Variants in CDK6 observed in about 807,000 individuals in gnomAD.
The protein encoded by CDK6 is cyclin-dependent kinase 6.
A neutral mutation model predicts 37.1 loss-of-function variants in CDK6; 6 were observed. The observed-to-expected ratio is 0.16, with a 90% confidence interval of 0.09 to 0.32. CDK6 has a LOEUF of 0.32. Ranked by LOEUF, CDK6 falls within the 10% of genes least tolerant of loss-of-function variation. The pLI, the probability that CDK6 is intolerant of heterozygous loss-of-function variation, is 1.00. For missense variants in CDK6, 224 were observed against 418.9 expected (o/e 0.53, Z 4.06); for synonymous variants, 160 against 161.3 (o/e 0.99, Z 0.06).
intron 4 of CDK6, among the ~76,000 whole-genome samples, chr7:92,717,857 T>C (rs1043780787): frequency 6.6e-6 from 1 of 152,242 alleles, no homozygotes; most frequent in Admixed American, 6.5e-5. Context: ...CTGTGCAGTA[T>C]GGAATACATT....
rs1401139030 is a variant in CDK6 at position 92,605,666 on chromosome 7, C to CT, written c.*9473dup. ...CCTTAGAGATAAGCTTTCTTTCTTT[C>CT]TTCTTCTTTTGCTTCAAGAGGGCTT... On this transcript the variant is annotated 3_prime_UTR_variant, in exon 8 of 8. Transcript: ENST00000424848. 3 of 233,104 alleles carry CT rather than the reference C, an allele frequency of 1.3e-5. No individual in the cohort carries two copies. The highest frequency in any genetic ancestry group is 2.5e-5 in the Non-Finnish European group (3 of 118,038). The allele number at this position is 233,104 out of a possible 1,614,324, so 14.4% of individuals were successfully genotyped here. A position where few individuals can be genotyped will look rare whatever the true frequency, so the allele number is the denominator to read the frequency against.
rs1795606940 is a variant in CDK6, at chr7:92,613,542, G to C, written c.*1598C>G. 1 of 233,590 alleles carries C rather than the reference G, an allele frequency of 4.3e-6. No individual in the cohort carries two copies. The highest frequency in any genetic ancestry group is 8.5e-6 in the Non-Finnish European group (1 of 118,034). The allele number at this position is 233,590 out of a possible 1,614,324, so 14.5% of individuals were successfully genotyped here. On this transcript the variant is annotated 3_prime_UTR_variant, in exon 8 of 8. Transcript: ENST00000424848. ...TGTAGAGAAAACAGTAAGAGAAAAAGGAAAAGCTGTTTACAATGCCCAGGC... is the reference window on the plus strand; with the variant it reads ...TGTAGAGAAAACAGTAAGAGAAAAACGAAAAGCTGTTTACAATGCCCAGGC...
At chr7:92,801,956 T>TCC (rs1301144988) in intron 2 of CDK6, among the ~76,000 whole-genome samples, 8 of 64,458 alleles carry the variant, frequency 1.2e-4, no homozygotes, top group African/African-American at 4.7e-4. Context: ...TCTCCTCCCC[T>TCC]CCCCCCCGTT....
chr7:92,616,460 T>C (rs924979969), intron 7 of CDK6, among the ~76,000 whole-genome samples: 4 of 152,214 alleles, frequency 2.6e-5, no homozygotes, highest in African/African-American at 9.6e-5. Context: ...CTAGCCTCCC[T>C]ATAGGATCTT....
At chr7:92,781,078 A>G (rs1361344496) in intron 2 of CDK6, among the ~76,000 whole-genome samples, 1 of 152,246 alleles carries the variant, frequency 6.6e-6, no homozygotes, top group East Asian at 1.9e-4. Context: ...AGCTTAGCAT[A>G]ATGTGATCCA....
chr7:92,818,649 G>A (rs1801088795), intron 2 of CDK6, among the ~76,000 whole-genome samples: 1 of 151,988 alleles, frequency 6.6e-6, no homozygotes, highest in Admixed American at 6.6e-5. Context: ...TTAAGGAAAT[G>A]AAAAGGTAAG....
chr7:92,760,035 T>C lies in CDK6; in HGVS notation c.369+14661A>G, dbSNP rs184678219. On this transcript the variant is annotated intron_variant, in intron 3 of 7. Coordinates refer to ENST00000424848, the MANE Select transcript of CDK6 (RefSeq NM_001145306.2). ...CTCCCTGTACCTGCTAATCCAGGAT[T>C]TTAAAAGTATTGAAAGCCTAGAGAT... Among the ~76,000 whole-genome samples the C allele has an allele frequency of 1.1e-3, 164 of 152,300 alleles. 3 individuals carry two copies. The South Asian group carries it at 0.018, about 17-fold the overall frequency.
intron 3 of CDK6, among the ~76,000 whole-genome samples, chr7:92,762,341 C>A (rs934229999): frequency 2.7e-5 from 4 of 147,132 alleles, no homozygotes; most frequent in Non-Finnish European, 5.9e-5. Flanking sequence ...TATTCTTGAA[C>A]CCCATCCTCC....
intron 2 of CDK6, among the ~76,000 whole-genome samples, chr7:92,818,386 G>C (rs962466529): frequency 6.6e-6 from 1 of 151,896 alleles, no homozygotes; most frequent in African/African-American, 2.4e-5. Flanking sequence ...GAAATAGCTG[G>C]ATATCCATAC....
At chr7:92,773,309 G>T (rs1032743800) in intron 3 of CDK6, among the ~76,000 whole-genome samples, 2 of 152,170 alleles carry the variant, frequency 1.3e-5, no homozygotes, top group African/African-American at 4.8e-5. Context: ...TTTTGAGACG[G>T]CACTTGAAAA....
intron 6 of CDK6, among the ~76,000 whole-genome samples, chr7:92,620,623 T>A (rs1220036879): frequency 6.6e-6 from 1 of 152,180 alleles, no homozygotes; most frequent in African/African-American, 2.4e-5. Context: ...TTTAAGAGTA[T>A]GTGAACATGG....
At position 92,826,145 on chromosome 7, in the gene CDK6, T is replaced by A. The variant is rs551923357; in HGVS notation, c.233+6946A>T. ...CCTTTTCAATGATTTCACTCACTTGTTACGTATTCACCTTATATCCAATGG... is the reference window on the plus strand; with the variant it reads ...CCTTTTCAATGATTTCACTCACTTGATACGTATTCACCTTATATCCAATGG... On this transcript the variant is annotated intron_variant, in intron 2 of 7. Coordinates refer to ENST00000424848, the MANE Select transcript of CDK6 (RefSeq NM_001145306.2). 6.0e-4 allele frequency among the ~76,000 whole-genome samples: 91 copies of A among 152,218 alleles called. 3 individuals are homozygous for A. In the South Asian group the frequency reaches 0.015, roughly 25 times the overall value.
chr7:92,623,029 T>A lies in CDK6; in HGVS notation c.698+7A>T, dbSNP rs762149192. On this transcript the variant is annotated splice_region_variant and intron_variant, in intron 6 of 7. Transcript: ENST00000424848. ...GACACTGGTGTAAAATTATAATTAT[T>A]ACTTACTCCAAGATTTTTCCTAGTT... 1 of 1,551,172 alleles carries A rather than the reference T, an allele frequency of 6.4e-7. No individual in the cohort carries two copies. The highest frequency in any genetic ancestry group is 8.8e-7 in the Non-Finnish European group (1 of 1,130,122).
intron 6 of CDK6, among the ~76,000 whole-genome samples, chr7:92,618,502 A>G (rs1795730753): frequency 6.6e-6 from 1 of 152,184 alleles, no homozygotes; most frequent in Non-Finnish European, 1.5e-5. Context: ...AAAATATATT[A>G]CCAGGCAGTA....
At chr7:92,649,267 A>C (rs1238468562) in intron 5 of CDK6, among the ~76,000 whole-genome samples, 1 of 152,218 alleles carries the variant, frequency 6.6e-6, no homozygotes, top group African/African-American at 2.4e-5. Context: ...AGATTGAGAA[A>C]TGCGTTTGTC....
rs80220375 is a variant in CDK6 at position 92,786,379 on chromosome 7, C to T, written c.234-11548G>A. On this transcript the variant is annotated intron_variant, in intron 2 of 7. Transcript: ENST00000424848. ...AGGTACTGATCTAATAAAACAATCA[C>T]TGAAGTTAGTTCCTTTTAAGGAAAC... Among the ~76,000 whole-genome samples, 476 of 152,296 alleles carry T rather than the reference C, an allele frequency of 3.1e-3. 3 individuals are homozygous for T. Among genetic ancestry groups the T allele is most frequent in the African/African-American group, 0.011 (448 of 41,564 alleles).
intron 3 of CDK6, among the ~76,000 whole-genome samples, chr7:92,773,215 A>G (rs1325435555): frequency 1.3e-5 from 2 of 152,204 alleles, no homozygotes; most frequent in Non-Finnish European, 2.9e-5. Flanking sequence ...AAGGCAGAAA[A>G]CAAGATAAAG....
At chr7:92,767,658 AT>A (rs1799615058) in intron 3 of CDK6, among the ~76,000 whole-genome samples, 2 of 152,134 alleles carry the variant, frequency 1.3e-5, no homozygotes, top group South Asian at 4.2e-4. Context: ...GCTTTGATTT[AT>A]CCCCCTGTCT....
intron 2 of CDK6, among the ~76,000 whole-genome samples, chr7:92,786,471 C>A (rs905463136): frequency 2.0e-5 from 3 of 152,078 alleles, no homozygotes; most frequent in Non-Finnish European, 4.4e-5. Flanking sequence ...ATGAAAACCT[C>A]AGTGAAACAC....
Sources: allele counts gnomAD v4.1 joint callset (sites outside exome capture counted in the v4.1 genomes callset), GRCh38; gene constraint gnomAD v4.1.1; transcripts MANE v1.5; gene names NCBI Gene and HGNC (gene_info 2026-07-23, HGNC 2026-07-21).